The following GK variants were observed in gnomAD, a reference collection of about 807,000 sequenced individuals.
GK encodes glycerol kinase, also known as ATP:glycerol 3-phosphotransferase.
In GK, 9 loss-of-function variants were observed where a neutral mutation model predicts 56.4. That is an observed-to-expected ratio of 0.16 (90% CI 0.10 to 0.28). GK has a LOEUF of 0.28. Ranked by LOEUF, GK falls within the 10% of genes least tolerant of loss-of-function variation. The pLI is 1.00. For synonymous variants in GK, 104 were observed against 144.1 expected, an observed-to-expected ratio of 0.72 and a Z score of 1.99; for missense variants, 161 against 431.4, an observed-to-expected ratio of 0.37 and a Z score of 5.55.
intron 18 of GK, chrX:30,721,646 A>G (rs772462268): frequency 2.6e-5 from 3 of 114,472 alleles, no homozygotes; most frequent in Admixed American, 8.9e-5. Context: ...TCAGCCACTC[A>G]TCCCTAATGT....
chrX:30,710,037 G>A (rs887000160), intron 13 of GK, among the ~76,000 whole-genome samples: 2 of 111,907 alleles, frequency 1.8e-5, no homozygotes, highest in African/African-American at 6.5e-5. Context: ...TTCAATTTAT[G>A]TAATGCTTTT....
chrX:30,702,481 G>A (rs1166047855), intron 11 of GK, among the ~76,000 whole-genome samples: 4 of 112,652 alleles, frequency 3.6e-5, no homozygotes, highest in African/African-American at 1.3e-4. Context: ...TACCTATAAT[G>A]TTTCATGTGC....
At chrX:30,705,357 T>C (rs1474423625) in intron 11 of GK, among the ~76,000 whole-genome samples, 1 of 112,896 alleles carries the variant, frequency 8.9e-6, no homozygotes, top group Non-Finnish European at 1.9e-5. Flanking sequence ...TTTTCTAGAA[T>C]GTAAAAATTA....
chrX:30,658,261 T>C (rs1165626847), intron 1 of GK, among the ~76,000 whole-genome samples: 2 of 112,371 alleles, frequency 1.8e-5, no homozygotes, highest in African/African-American at 6.5e-5. Flanking sequence ...GTAAAACTGA[T>C]TTGGCTCACA....
chrX:30,681,651 C>T (rs1252692153), intron 4 of GK, among the ~76,000 whole-genome samples: 1 of 111,081 alleles, frequency 9.0e-6, no homozygotes, highest in African/African-American at 3.3e-5. Context: ...ATACAGAAGA[C>T]CATACTTATG....
At chrX:30,699,306 A>C in intron 9 of GK, among the ~76,000 whole-genome samples, 1 of 59,413 alleles carries the variant, frequency 1.7e-5, no homozygotes. Context: ...TAACATGTAT[A>C]TATATAACAT....
intron 9 of GK, chrX:30,700,114 G>T: frequency 3.9e-6 from 1 of 253,314 alleles, no homozygotes; most frequent in Non-Finnish European, 7.0e-6. Flanking sequence ...GTGATGTATT[G>T]AGAGGTTTCA....
chrX:30,696,467 T>C (rs1259040963), intron 7 of GK, 150 bp from the exon 8 acceptor site: 1 of 476,659 alleles, frequency 2.1e-6, no homozygotes, highest in African/African-American at 2.4e-5. Flanking sequence ...AGCTATGTTC[T>C]GTTGGCTTAC....
intron 4 of GK, among the ~76,000 whole-genome samples, chrX:30,678,496 CAG>C (rs1321956174): frequency 3.6e-5 from 4 of 111,153 alleles, no homozygotes; most frequent in East Asian, 2.8e-4. Flanking sequence ...CAGAAATTAT[CAG>C]AGAGGGGATA....
intron 1 of GK, among the ~76,000 whole-genome samples, chrX:30,654,353 CA>C (rs1333489534): frequency 8.9e-6 from 1 of 112,646 alleles, no homozygotes; most frequent in Non-Finnish European, 1.9e-5. Context: ...AGTTTTACCA[CA>C]AAAGATTGCT....
chrX:30,655,542 T>C (rs948336979), intron 1 of GK, among the ~76,000 whole-genome samples: 2 of 112,564 alleles, frequency 1.8e-5, no homozygotes, highest in Admixed American at 9.4e-5. Context: ...AATTCTTAAA[T>C]GTTGGCAATT....
chrX:30,706,197 G>A (rs1935994660), intron 11 of GK, among the ~76,000 whole-genome samples: 1 of 111,981 alleles, frequency 8.9e-6, no homozygotes, highest in Non-Finnish European at 1.9e-5. Context: ...AGCAGGCCAA[G>A]AATATATTTG....
intron 13 of GK, among the ~76,000 whole-genome samples, chrX:30,712,086 C>G (rs1936351494): frequency 8.9e-6 from 1 of 112,210 alleles, no homozygotes; most frequent in Non-Finnish European, 1.9e-5. Context: ...ATTTTTTGAT[C>G]TGGCTTCTTT....
intron 3 of GK, among the ~76,000 whole-genome samples, chrX:30,676,926 T>G (rs1231103213): frequency 9.0e-6 from 1 of 111,061 alleles, no homozygotes; most frequent in African/African-American, 3.3e-5. Flanking sequence ...TTTCTTAAAA[T>G]GTAGGCATGT....
At chrX:30,673,945 A>G (rs12844553) in intron 3 of GK, among the ~76,000 whole-genome samples, 23,592 of 110,582 alleles carry the variant, frequency 0.21, 1,892 homozygotes, top group Admixed American at 0.27. Flanking sequence ...AATTACATTC[A>G]CAATATGTAC....
At chrX:30,716,204 G>A (rs1200514281) in intron 13 of GK, among the ~76,000 whole-genome samples, 1 of 112,192 alleles carries the variant, frequency 8.9e-6, no homozygotes, top group East Asian at 2.8e-4. Flanking sequence ...AAAATTCGCA[G>A]TTTAACTGTA....
chrX:30,687,313 C>T (rs999492143), intron 4 of GK, among the ~76,000 whole-genome samples: 3 of 111,452 alleles, frequency 2.7e-5, no homozygotes, highest in African/African-American at 9.8e-5. Context: ...TGGTCTTCAT[C>T]CAAATGGAAA....
intron 3 of GK, chrX:30,672,035 C>T (rs1413797718): frequency 9.3e-6 from 1 of 107,265 alleles, no homozygotes; most frequent in Non-Finnish European, 1.9e-5. Context: ...CCCAGCTACT[C>T]AGGAGGCTGA....
chrX:30,681,488 A>C (rs772808469), intron 4 of GK, among the ~76,000 whole-genome samples: 14 of 112,136 alleles, frequency 1.2e-4, no homozygotes, highest in Non-Finnish European at 2.3e-4. Flanking sequence ...AAGAAGTTTA[A>C]TATATTTGTA....
Sources: allele counts gnomAD v4.1 joint callset (sites outside exome capture counted in the v4.1 genomes callset), GRCh38; gene constraint gnomAD v4.1.1; transcripts MANE v1.5; gene names NCBI Gene and HGNC (gene_info 2026-07-23, HGNC 2026-07-21).